Variants in SEC23A observed in about 807,000 individuals in gnomAD.
SEC23A encodes SEC23 homolog A, COPII component, also known as protein transport protein Sec23A.
SEC23A carries 56 observed loss-of-function variants against 103.7 expected under a neutral mutation model. The ratio of observed to expected loss-of-function variants is 0.54; its 90% CI spans 0.44 to 0.67. The LOEUF is 0.67. Ranked by LOEUF, SEC23A falls within the 30% of genes least tolerant of loss-of-function variation. SEC23A has a pLI of 0.00. For missense variants in SEC23A, 784 were observed against 936.4 expected (o/e 0.84, Z 2.12); for synonymous variants, 281 against 293.0 (o/e 0.96, Z 0.42).
chr14:39,086,875 G>C (rs1887462101), intron 6 of SEC23A, 54 bp downstream of exon 6: 2 of 1,024,548 alleles, frequency 2.0e-6, no homozygotes, highest in East Asian at 2.4e-5. Context: ...CAAGGGTATG[G>C]AATGTTTAAA....
chr14:39,057,661 C>T (rs1886295841), intron 13 of SEC23A, among the ~76,000 whole-genome samples: 1 of 152,202 alleles, frequency 6.6e-6, no homozygotes, highest in Non-Finnish European at 1.5e-5. Flanking sequence ...AGCCACCGCA[C>T]TTGGCCAATA....
At chr14:39,050,009 C>A (rs1042782824) in intron 14 of SEC23A, among the ~76,000 whole-genome samples, 1 of 151,986 alleles carries the variant, frequency 6.6e-6, no homozygotes, top group Admixed American at 6.6e-5. Context: ...ACCTCATGAT[C>A]CGCCCGTCTC....
chr14:39,096,743 A>G (rs751852779), intron 1 of SEC23A, among the ~76,000 whole-genome samples: 4 of 152,194 alleles, frequency 2.6e-5, no homozygotes, highest in Non-Finnish European at 4.4e-5. Context: ...AAATAGGGGG[A>G]AAACCTAGAT....
Position 39,033,085 on chromosome 14 carries a change from C to A in SEC23A, c.*154G>T, listed in dbSNP as rs1885352621. On this transcript the variant is annotated 3_prime_UTR_variant, in exon 20 of 20. Transcript: ENST00000307712. Reference sequence around the variant, plus strand: ...CTCATTATAATTCCAGCTTAATCTACAAATGTGAACATTTTCCATATGTTG... The same window carrying A: ...CTCATTATAATTCCAGCTTAATCTAAAAATGTGAACATTTTCCATATGTTG... 4 of 645,822 alleles carry A rather than the reference C, an allele frequency of 6.2e-6. No individual in the cohort carries two copies. The highest frequency in any genetic ancestry group is 5.2e-5 in the Admixed American group (2 of 38,136). 40.0% of individuals were successfully genotyped at this position (645,822 alleles called of 1,614,324 possible). A position where few individuals can be genotyped will look rare whatever the true frequency, so the allele number is the denominator to read the frequency against.
intron 9 of SEC23A, among the ~76,000 whole-genome samples, chr14:39,074,100 A>C (rs2139249803): frequency 6.6e-6 from 1 of 152,294 alleles, no homozygotes; most frequent in Non-Finnish European, 1.5e-5. Context: ...AAAGCATCAA[A>C]CTGTACATTT....
rs11322514 is a variant in SEC23A at position 39,067,535 on chromosome 14, TA to T, written c.1104-240del. On this transcript the variant is annotated intron_variant, in intron 9 of 19. Coordinates refer to ENST00000307712, the MANE Select transcript of SEC23A (RefSeq NM_006364.4). ...ACAGTTGCATTTGTCCTTGGTAATTTAAAAAAAAATTCTTCTTTAAATAGGC... is the reference window on the plus strand; with the variant it reads ...ACAGTTGCATTTGTCCTTGGTAATTTAAAAAAAATTCTTCTTTAAATAGGC... Among the ~76,000 whole-genome samples, 139,923 of 151,984 alleles carry T rather than the reference TA, an allele frequency of 0.92. 64,507 individuals are homozygous for T. Among genetic ancestry groups the T allele is most frequent in the East Asian group, 0.97 (5,035 of 5,186 alleles).
intron 1 of SEC23A, 59 bp downstream of exon 1, chr14:39,102,973 C>T (rs1040105970): frequency 6.5e-6 from 1 of 153,322 alleles, no homozygotes; most frequent in African/African-American, 2.4e-5. Flanking sequence ...CCGGGACCAC[C>T]CCAGGATCCC....
chr14:39,098,146 G>A (rs553554058), intron 1 of SEC23A, among the ~76,000 whole-genome samples: 170 of 152,084 alleles, frequency 1.1e-3, no homozygotes, highest in Non-Finnish European at 1.9e-3. Context: ...TGAGAAGGGT[G>A]GTATGAGCTT....
chr14:39,038,962 G>A (rs1885545509), intron 19 of SEC23A, 69 bp downstream of exon 19: 2 of 1,326,734 alleles, frequency 1.5e-6, no homozygotes, highest in Non-Finnish European at 2.2e-6. Context: ...AAAAAATGTA[G>A]CTTTCACTAA....
At chr14:39,101,744 T>TC (rs1888105115) in intron 1 of SEC23A, among the ~76,000 whole-genome samples, 1 of 152,224 alleles carries the variant, frequency 6.6e-6, no homozygotes, top group Admixed American at 6.5e-5. Context: ...TCCTTCCAAT[T>TC]ACATGTATTT....
At chr14:39,090,514 A>T (rs1887622204) in intron 5 of SEC23A, among the ~76,000 whole-genome samples, 1 of 152,194 alleles carries the variant, frequency 6.6e-6, no homozygotes, top group East Asian at 1.9e-4. Context: ...AAAACCACTA[A>T]AAAACATATG....
At chr14:39,059,300 A>AAACAAAAAAAAAC (rs1886382001) in intron 13 of SEC23A, among the ~76,000 whole-genome samples, 1 of 100,820 alleles carries the variant, frequency 9.9e-6, no homozygotes, top group Non-Finnish European at 2.1e-5. Context: ...AAAAAAAAAA[A>AAACAAAAAAAAAC]AAAAAAAAAA....
Position 39,056,201 on chromosome 14 carries a change from T to G in SEC23A, c.1506-905A>C, listed in dbSNP as rs144232526. 1.3e-4 allele frequency among the ~76,000 whole-genome samples: 20 copies of G among 152,214 alleles called. 1 individual carries two copies. The East Asian group carries it at 3.9e-3, about 29-fold the overall frequency. On this transcript the variant is annotated intron_variant, in intron 13 of 19. Coordinates refer to ENST00000307712, the MANE Select transcript of SEC23A (RefSeq NM_006364.4). ...AAGTGTGTAGATAAGCCAAGCCCTG[T>G]CTTTGTTCAGGGCCCAGTCTTCGGA...
intron 5 of SEC23A, among the ~76,000 whole-genome samples, chr14:39,089,105 C>A (rs1388490287): frequency 1.4e-5 from 2 of 139,012 alleles, no homozygotes; most frequent in Non-Finnish European, 3.0e-5. Flanking sequence ...ACTAAGGAGG[C>A]GGAGATTGCA....
chr14:39,086,441 G>A (rs1887448052), intron 6 of SEC23A, among the ~76,000 whole-genome samples: 1 of 152,044 alleles, frequency 6.6e-6, no homozygotes, highest in African/African-American at 2.4e-5. Flanking sequence ...GATTGGGATG[G>A]TGAAACCCCG....
At chr14:39,099,620 A>G (rs929423105) in intron 1 of SEC23A, among the ~76,000 whole-genome samples, 1 of 152,194 alleles carries the variant, frequency 6.6e-6, no homozygotes, top group East Asian at 1.9e-4. Context: ...CAGTGAAGCA[A>G]TATCTTCCAA....
chr14:39,040,848 G>A lies in SEC23A; in HGVS notation c.2026C>T (p.Pro676Ser). The stretch of plus-strand genomic sequence containing the variant: ...AGGTGGCGGAAATTTTCATACTCAG[G>A]CATATCCTGGTATCCTGACTTCCGC... Reference protein sequence around the residue: ...QWRKSGYQDMPEYENFRHLLQ... With the variant: ...QWRKSGYQDMSEYENFRHLLQ... The change falls in exon 18 of 20, where the codon CCT becomes TCT. Residue 676 changes from proline to serine, a missense_variant. Coordinates refer to ENST00000307712, the MANE Select transcript of SEC23A (RefSeq NM_006364.4). 1 of 1,614,054 alleles carries A rather than the reference G, an allele frequency of 6.2e-7. No individual in the cohort carries two copies. The highest frequency in any genetic ancestry group is 8.5e-7 in the Non-Finnish European group (1 of 1,180,008).
At chr14:39,061,001 G>A (rs1364403359) in intron 13 of SEC23A, among the ~76,000 whole-genome samples, 1 of 152,130 alleles carries the variant, frequency 6.6e-6, no homozygotes, top group Non-Finnish European at 1.5e-5. Context: ...GTGAACCAGT[G>A]CCATGAAGTC....
chr14:39,078,868 T>C lies in SEC23A; in HGVS notation c.829-2775A>G, dbSNP rs17108802. 8.8e-3 allele frequency among the ~76,000 whole-genome samples: 1,335 copies of C among 151,906 alleles called. 21 individuals carry two copies. Among genetic ancestry groups the C allele is most frequent in the African/African-American group, 0.031 (1,266 of 41,424 alleles). On this transcript the variant is annotated intron_variant, in intron 7 of 19. Transcript: ENST00000307712. Reference sequence around the variant, plus strand: ...AGAGGTCCAGCATCAATGTAACAAATATAGAATAGAAAGAGAAATAAATTA... The same window carrying C: ...AGAGGTCCAGCATCAATGTAACAAACATAGAATAGAAAGAGAAATAAATTA...
Sources: allele counts gnomAD v4.1 joint callset (sites outside exome capture counted in the v4.1 genomes callset), GRCh38; gene constraint gnomAD v4.1.1; transcripts MANE v1.5; gene names NCBI Gene and HGNC (gene_info 2026-07-23, HGNC 2026-07-21).